The following FAM135B variants were observed in gnomAD, a reference collection of about 807,000 sequenced individuals.
The protein encoded by FAM135B is protein FAM135B.
In FAM135B, 43 loss-of-function variants were observed where a neutral mutation model predicts 127.7. That is an observed-to-expected ratio of 0.34 (90% CI 0.26 to 0.43). The LOEUF is 0.43. FAM135B is among the 20% of genes least tolerant of loss of function. FAM135B has a pLI of 1.00. For missense variants in FAM135B, 1,558 were observed against 1,725.6 expected (o/e 0.90, Z 1.72); for synonymous variants, 670 against 665.1 (o/e 1.01, Z -0.11).
At chr8:138,170,421 C>T (rs1025246056) in intron 11 of FAM135B, among the ~76,000 whole-genome samples, 16 of 151,926 alleles carry the variant, frequency 1.1e-4, no homozygotes, top group African/African-American at 2.9e-4. Context: ...AGGGTTTTTC[C>T]GTGTTGGTCA....
intron 1 of FAM135B, among the ~76,000 whole-genome samples, chr8:138,423,912 C>A (rs1432861770): frequency 2.0e-5 from 3 of 152,108 alleles, no homozygotes; most frequent in African/African-American, 7.2e-5. Context: ...CAGGGATGTT[C>A]CTTGCTGAGA....
At chr8:138,381,418 C>T (rs1297413386) in intron 1 of FAM135B, among the ~76,000 whole-genome samples, 12 of 152,152 alleles carry the variant, frequency 7.9e-5, no homozygotes, top group Non-Finnish European at 2.9e-5. Context: ...GCCATGCCAC[C>T]GCCCTCCCTA....
intron 11 of FAM135B, among the ~76,000 whole-genome samples, chr8:138,169,480 T>C (rs188046825): frequency 6.6e-6 from 1 of 152,002 alleles, no homozygotes; most frequent in Non-Finnish European, 1.5e-5. Context: ...TCTTCTCGGA[T>C]TATTTAACTC....
intron 19 of FAM135B, among the ~76,000 whole-genome samples, chr8:138,133,110 G>A (rs1426088727): frequency 1.3e-5 from 2 of 152,176 alleles, no homozygotes; most frequent in Non-Finnish European, 2.9e-5. Flanking sequence ...TAGCAGAGAA[G>A]GAGGCCAACA....
Position 138,151,338 on chromosome 8 carries a change from G to A in FAM135B, c.3137C>T (p.Ser1046Phe), listed in dbSNP as rs1818124002. 6.2e-7 allele frequency: 1 copy of A among 1,614,036 alleles called. No individual in the cohort carries two copies. Among genetic ancestry groups the A allele is most frequent in the Non-Finnish European group, 8.5e-7 (1 of 1,179,992 alleles). The change falls in exon 13 of 20, where the codon TCT (serine) becomes TTT (phenylalanine). Residue 1046 changes from serine (S) to phenylalanine (F), a missense_variant. Coordinates refer to ENST00000395297, the MANE Select transcript of FAM135B (RefSeq NM_015912.4). ...SCTATCLPFS[S>F]VPKETPARAG... is the part of the protein sequence containing the mutation. ...CCTGGCAGGGGTCTCCTTGGGCACA[G>A]ATGAGAAAGGGAGACAGGTGGCAGT...
chr8:138,297,517 T>A (rs1825561586), intron 3 of FAM135B, among the ~76,000 whole-genome samples: 1 of 152,242 alleles, frequency 6.6e-6, no homozygotes, highest in Non-Finnish European at 1.5e-5. Flanking sequence ...TTGCATTTTT[T>A]AAAACATGTA....
chr8:138,142,288 C>CTT (rs71316322), intron 16 of FAM135B, among the ~76,000 whole-genome samples: 127 of 62,386 alleles, frequency 2.0e-3, no homozygotes, highest in Non-Finnish European at 2.8e-3. Flanking sequence ...TCTGCTTCTT[C>CTT]TTTTTTTTTT....
intron 7 of FAM135B, among the ~76,000 whole-genome samples, chr8:138,219,855 C>T (rs1188313512): frequency 2.6e-5 from 4 of 152,158 alleles, no homozygotes; most frequent in Non-Finnish European, 4.4e-5. Context: ...GAAACAGATG[C>T]ACAGGTGCTT....
chr8:138,449,129 T>C (rs556914570), intron 1 of FAM135B, among the ~76,000 whole-genome samples: 2 of 152,298 alleles, frequency 1.3e-5, no homozygotes, highest in South Asian at 2.1e-4. Context: ...GTAGCTGCTA[T>C]CTGCTAAGCA....
At chr8:138,293,535 G>A (rs1333423159) in intron 3 of FAM135B, among the ~76,000 whole-genome samples, 1 of 151,900 alleles carries the variant, frequency 6.6e-6, no homozygotes, top group East Asian at 1.9e-4. Flanking sequence ...AATCTACAAG[G>A]AGCTCAAACA....
chr8:138,389,919 G>A (rs2131320772), intron 1 of FAM135B, among the ~76,000 whole-genome samples: 1 of 152,268 alleles, frequency 6.6e-6, no homozygotes, highest in East Asian at 1.9e-4. Context: ...AGTAGTTAGA[G>A]GGCCTAGGAA....
At position 138,132,575 on chromosome 8, in the gene FAM135B, C is replaced by T; in HGVS notation, c.*18G>A. On this transcript the variant is annotated 3_prime_UTR_variant, in exon 20 of 20. Coordinates refer to ENST00000395297, the MANE Select transcript of FAM135B (RefSeq NM_015912.4). This position sits in a 1 kb window ranked among gnomAD's most constrained non-coding sequence, Gnocchi z 4.5. ...CACCGATCGTAAGCATTACCAAAGA[C>T]CTGCTCCCTCAAAGCCACTACTTGA... The T allele has an allele frequency of 6.2e-7, 1 of 1,605,758 alleles. No individual in the cohort carries two copies. Among genetic ancestry groups the T allele is most frequent in the Non-Finnish European group, 8.5e-7 (1 of 1,172,502 alleles).
At chr8:138,275,960 G>A (rs913711927) in intron 3 of FAM135B, among the ~76,000 whole-genome samples, 1 of 152,162 alleles carries the variant, frequency 6.6e-6, no homozygotes, top group Non-Finnish European at 1.5e-5. Context: ...TAACATTTGT[G>A]GAGGTGAGCT....
At chr8:138,467,683 G>A (rs1286307846) in intron 1 of FAM135B, among the ~76,000 whole-genome samples, 2 of 152,188 alleles carry the variant, frequency 1.3e-5, no homozygotes, top group Non-Finnish European at 2.9e-5. Context: ...AATAGTCAAT[G>A]TTATGGGTGC....
chr8:138,367,804 A>G, intron 2 of FAM135B, 103 bp downstream of exon 2: 1 of 885,100 alleles, frequency 1.1e-6, no homozygotes, highest in South Asian at 1.5e-5. Flanking sequence ...GTTAGTCCCA[A>G]ATTTCCTATA....
chr8:138,369,646 C>T (rs1328069882), intron 1 of FAM135B, among the ~76,000 whole-genome samples: 1 of 152,146 alleles, frequency 6.6e-6, no homozygotes, highest in East Asian at 1.9e-4. Context: ...TGGAGGTGCA[C>T]CCTGGCCCTG....
At chr8:138,137,121 C>T (rs1315034231) in intron 19 of FAM135B, 26 bp downstream of exon 19, 1 of 1,212,222 alleles carries the variant, frequency 8.2e-7, no homozygotes, top group African/African-American at 1.5e-5. Flanking sequence ...TAGAAAGTCC[C>T]TGAGCAAAAA....
At chr8:138,336,801 C>CA (rs1383937888) in intron 2 of FAM135B, among the ~76,000 whole-genome samples, 2 of 152,048 alleles carry the variant, frequency 1.3e-5, no homozygotes, top group African/African-American at 2.4e-5. Flanking sequence ...AGAGACACAA[C>CA]AAAAAAAGAG....
intron 1 of FAM135B, among the ~76,000 whole-genome samples, chr8:138,444,214 A>AC (rs1222113731): frequency 6.6e-6 from 1 of 152,208 alleles, no homozygotes; most frequent in Admixed American, 6.5e-5. Flanking sequence ...AAACTTTAAC[A>AC]CCCCACTGTC....
Sources: gnomAD v4.1 joint callset for allele counts (sites outside exome capture counted in the v4.1 genomes callset) on GRCh38, gnomAD v4.1.1 for gene constraint, Gnocchi (gnomAD v3.1) non-coding constraint, MANE v1.5 for transcripts, NCBI Gene and HGNC (gene_info 2026-07-23, HGNC 2026-07-21) for gene names.